The following ROBO2 variants were observed in gnomAD, a reference collection of about 807,000 sequenced individuals.
ROBO2 encodes the protein roundabout homolog 2.
ROBO2 carries 53 observed loss-of-function variants against 160.8 expected under a neutral mutation model. The observed-to-expected ratio is 0.33, with a 90% CI of 0.26 to 0.41. The LOEUF (loss-of-function observed/expected upper bound fraction) is 0.41. Ranked by LOEUF, ROBO2 falls within the 10% of genes least tolerant of loss-of-function variation. The pLI, the probability that ROBO2 is intolerant of heterozygous loss-of-function variation, is 1.00. For synonymous variants in ROBO2, 664 were observed against 611.7 expected (o/e 1.09, Z -1.26); for missense variants, 1,577 against 1,722.4 (o/e 0.92, Z 1.49).
chr3:76,705,191 C>A (rs2093134901), intron 2 of ROBO2, among the ~76,000 whole-genome samples: 1 of 152,066 alleles, frequency 6.6e-6, no homozygotes, highest in Admixed American at 6.6e-5. Context: ...GTATGTTGTA[C>A]TTTTAGCTCT....
intron 2 of ROBO2, among the ~76,000 whole-genome samples, chr3:76,960,103 T>C: frequency 6.8e-6 from 1 of 146,060 alleles, no homozygotes; most frequent in East Asian, 1.9e-4. Context: ...ACATGAAAAT[T>C]AGTCAAAAAT....
At chr3:77,270,800 G>A (rs1044819652) in intron 2 of ROBO2, among the ~76,000 whole-genome samples, 1 of 152,092 alleles carries the variant, frequency 6.6e-6, no homozygotes, top group Non-Finnish European at 1.5e-5. Context: ...AAAAGTAGCT[G>A]TGCATGGTGG....
chr3:77,511,225 C>A (rs981809913), intron 5 of ROBO2, among the ~76,000 whole-genome samples: 3 of 151,964 alleles, frequency 2.0e-5, no homozygotes, highest in Admixed American at 6.6e-5. Context: ...TGGAGCCTCC[C>A]ATGTCTACCA....
chr3:77,401,854 A>C (rs1291839007), intron 2 of ROBO2, among the ~76,000 whole-genome samples: 4 of 152,310 alleles, frequency 2.6e-5, no homozygotes, highest in Non-Finnish European at 4.4e-5. Flanking sequence ...TGTCATCCAC[A>C]ATGGTTGAAC....
intron 2 of ROBO2, among the ~76,000 whole-genome samples, chr3:77,211,089 T>G (rs1269490689): frequency 1.3e-5 from 2 of 152,212 alleles, no homozygotes; most frequent in Admixed American, 1.3e-4. Flanking sequence ...TTTGTAATCC[T>G]TTGGGTATAT....
intron 2 of ROBO2, among the ~76,000 whole-genome samples, chr3:76,200,113 T>C (rs989389943): frequency 4.6e-5 from 7 of 152,094 alleles, no homozygotes; most frequent in South Asian, 2.1e-4. Flanking sequence ...GAAAAACATA[T>C]GGAAGTTTAT....
intron 2 of ROBO2, among the ~76,000 whole-genome samples, chr3:76,292,843 G>A (rs1708871808): frequency 6.6e-6 from 1 of 152,084 alleles, no homozygotes; most frequent in South Asian, 2.1e-4. Flanking sequence ...TCTGAGTGCA[G>A]TGTAATTTAT....
intron 2 of ROBO2, among the ~76,000 whole-genome samples, chr3:77,396,684 A>T (rs552708711): frequency 2.6e-5 from 4 of 152,170 alleles, no homozygotes; most frequent in African/African-American, 9.6e-5. Context: ...TAAATGTCTC[A>T]GTCATGAAAG....
intron 2 of ROBO2, among the ~76,000 whole-genome samples, chr3:76,361,823 C>A (rs1478277085): frequency 2.0e-5 from 3 of 151,948 alleles, no homozygotes; most frequent in Non-Finnish European, 4.4e-5. Flanking sequence ...AGTAAACTGT[C>A]TTTATATGAA....
chr3:76,477,739 C>T (rs2079002471), intron 2 of ROBO2, among the ~76,000 whole-genome samples: 1 of 152,000 alleles, frequency 6.6e-6, no homozygotes, highest in Non-Finnish European at 1.5e-5. Context: ...CTTCCTTCCT[C>T]GTCATTGCTT....
chr3:77,017,087 T>A (rs529411027), intron 2 of ROBO2, among the ~76,000 whole-genome samples: 3 of 152,328 alleles, frequency 2.0e-5, no homozygotes, highest in African/African-American at 7.2e-5. Context: ...TTACCATATG[T>A]CCTTATCAAC....
At chr3:76,905,408 C>A (rs2075534417) in intron 2 of ROBO2, among the ~76,000 whole-genome samples, 1 of 152,156 alleles carries the variant, frequency 6.6e-6, no homozygotes, top group African/African-American at 2.4e-5. Flanking sequence ...GGCTTATGAT[C>A]TGACACTTGA....
chr3:77,386,992 T>C (rs989212976), intron 2 of ROBO2, among the ~76,000 whole-genome samples: 2 of 151,904 alleles, frequency 1.3e-5, no homozygotes, highest in Admixed American at 1.3e-4. Context: ...TTTATGAAAA[T>C]GAGAGAAAAA....
intron 2 of ROBO2, among the ~76,000 whole-genome samples, chr3:77,379,493 A>G (rs553875772): frequency 3.6e-4 from 55 of 152,252 alleles, no homozygotes; most frequent in African/African-American, 1.3e-3. Context: ...ACCATCCTAC[A>G]TTTGTCTAAC....
At chr3:77,569,650 G>C (rs2093587918) in intron 13 of ROBO2, among the ~76,000 whole-genome samples, 1 of 151,792 alleles carries the variant, frequency 6.6e-6, no homozygotes, top group African/African-American at 2.4e-5. Flanking sequence ...CTCCCAGTTT[G>C]GTTACTGTAA....
chr3:77,511,033 C>G (rs2089323971), intron 5 of ROBO2, among the ~76,000 whole-genome samples: 1 of 151,894 alleles, frequency 6.6e-6, no homozygotes, highest in African/African-American at 2.4e-5. Flanking sequence ...GTGAAAAATC[C>G]TCATGGAGAT....
At chr3:76,574,992 G>A (rs1385825932) in intron 2 of ROBO2, among the ~76,000 whole-genome samples, 1 of 152,124 alleles carries the variant, frequency 6.6e-6, no homozygotes, top group Non-Finnish European at 1.5e-5. Flanking sequence ...TTAAGGAAGT[G>A]AAAAGACATT....
At chr3:76,105,007 T>C (rs2069858569) in intron 2 of ROBO2, among the ~76,000 whole-genome samples, 1 of 152,172 alleles carries the variant, frequency 6.6e-6, no homozygotes, top group Admixed American at 6.5e-5. Context: ...TTCTCTATGA[T>C]TTATTTATAT....
At chr3:77,014,255 A>G (rs1474211984) in intron 2 of ROBO2, among the ~76,000 whole-genome samples, 1 of 152,148 alleles carries the variant, frequency 6.6e-6, no homozygotes, top group Non-Finnish European at 1.5e-5. Flanking sequence ...CTCTTATTCT[A>G]CATTCCCACA....
Sources: allele counts gnomAD v4.1 joint callset (sites outside exome capture counted in the v4.1 genomes callset), GRCh38; gene constraint gnomAD v4.1.1; transcripts MANE v1.5; gene names NCBI Gene and HGNC (gene_info 2026-07-23, HGNC 2026-07-21).